Variants in RNF220 observed in about 807,000 individuals in gnomAD.
RNF220 encodes the protein ring finger protein 220, also known as E3 ubiquitin-protein ligase RNF220.
A neutral mutation model predicts 67.1 loss-of-function variants in RNF220; 7 were observed. That is an observed-to-expected ratio of 0.10 (90% CI 0.06 to 0.20). The LOEUF is 0.20. RNF220 is among the 10% of genes least tolerant of loss of function. The probability of loss-of-function intolerance (pLI) is 1.00; values close to 1 mark genes in which losing one functional copy is unlikely to be tolerated. For missense variants in RNF220, 565 were observed against 740.3 expected (o/e 0.76, Z 2.75); for synonymous variants, 270 against 283.2 (o/e 0.95, Z 0.47).
chr1:44,544,697 C>T (rs966358546), intron 2 of RNF220, among the ~76,000 whole-genome samples: 10 of 152,212 alleles, frequency 6.6e-5, no homozygotes, highest in Admixed American at 2.0e-4. Flanking sequence ...TAGCCTAAAG[C>T]CTTGTGGAAC....
intron 2 of RNF220, among the ~76,000 whole-genome samples, chr1:44,603,287 A>G (rs1573010955): frequency 6.6e-6 from 1 of 152,226 alleles, no homozygotes; most frequent in East Asian, 1.9e-4. Context: ...GGGAAAAGGT[A>G]AACATGCTCA....
chr1:44,648,421 C>T (rs1026090747), intron 12 of RNF220: 1 of 152,186 alleles, frequency 6.6e-6, no homozygotes. Flanking sequence ...TTCCCTAAGG[C>T]CAGTCTCCTA....
chr1:44,553,898 G>A (rs1662867137), intron 2 of RNF220, among the ~76,000 whole-genome samples: 1 of 152,164 alleles, frequency 6.6e-6, no homozygotes, highest in Non-Finnish European at 1.5e-5. Flanking sequence ...CACCCAGGAA[G>A]AACTGCGGCT....
intron 2 of RNF220, among the ~76,000 whole-genome samples, chr1:44,558,280 C>T (rs1663276972): frequency 6.6e-6 from 1 of 152,222 alleles, no homozygotes. Context: ...TAGAGAATAA[C>T]ATCTATGGCC....
chr1:44,556,582 CAG>C (rs1663103165), intron 2 of RNF220, among the ~76,000 whole-genome samples: 1 of 140,380 alleles, frequency 7.1e-6, no homozygotes. Flanking sequence ...TTTTTTTTGA[CAG>C]AGTCTGGCTC....
intron 6 of RNF220, among the ~76,000 whole-genome samples, chr1:44,634,249 G>T (rs192452113): frequency 1.3e-5 from 2 of 152,350 alleles, no homozygotes; most frequent in East Asian, 3.9e-4. Context: ...AGGTTGTGAA[G>T]TCAGTTCTGG....
At position 44,412,370 on chromosome 1, in the gene RNF220, T is replaced by G; in HGVS notation, c.273T>G (p.Ser91=). 2 of 1,614,100 alleles carry G rather than the reference T, an allele frequency of 1.2e-6. No individual in the cohort carries two copies. The highest frequency in any genetic ancestry group is 1.7e-6 in the Non-Finnish European group (2 of 1,180,006). Residue 91 remains serine (S), a synonymous_variant, in exon 2 of 15, where the codon TCT becomes TCG. Transcript: ENST00000361799. The surrounding 1 kb of genome is among the most constrained non-coding windows in gnomAD (Gnocchi z 5.3). ...TTGCCAATCGTGATTTCCCCCCTTCTCTACTACACCTCCACCCTCAATTTG... is the reference window on the plus strand; with the variant it reads ...TTGCCAATCGTGATTTCCCCCCTTCGCTACTACACCTCCACCCTCAATTTG... ...GTFANRDFPP[S]LLHLHPQFAP... is the part of the protein sequence containing the mutation.
chr1:44,405,380 G>A lies in RNF220; in HGVS notation c.-268G>A. Reference sequence around the variant, plus strand: ...ACAAACCCGGGGCCAGCCGCCTACTGCTGCTGCTGCTGCTGCCGCTGCCGC... The same window carrying A: ...ACAAACCCGGGGCCAGCCGCCTACTACTGCTGCTGCTGCTGCCGCTGCCGC... On this transcript the variant is annotated 5_prime_UTR_variant, in exon 1 of 15. Transcript: ENST00000361799. 3.2e-5 allele frequency: 17 copies of A among 532,634 alleles called. No homozygotes were observed. Among genetic ancestry groups the A allele is most frequent in the Admixed American group, 5.8e-5 (2 of 34,540 alleles). 33.0% of individuals were successfully genotyped at this position (532,634 alleles called of 1,614,324 possible).
chr1:44,450,206 G>A (rs1223384521), intron 2 of RNF220, among the ~76,000 whole-genome samples: 1 of 151,614 alleles, frequency 6.6e-6, no homozygotes, highest in Admixed American at 6.6e-5. Flanking sequence ...GCGAAACTCC[G>A]TGTCAAAAAA....
At chr1:44,508,060 TC>T (rs1172134811) in intron 2 of RNF220, among the ~76,000 whole-genome samples, 1 of 151,846 alleles carries the variant, frequency 6.6e-6, no homozygotes, top group Non-Finnish European at 1.5e-5. Context: ...AATTAACTTT[TC>T]CTCTCTTGTT....
At chr1:44,632,923 A>G (rs1644209914) in intron 6 of RNF220, 1 of 156,996 alleles carries the variant, frequency 6.4e-6, no homozygotes, top group Non-Finnish European at 1.4e-5. Flanking sequence ...GACAGCTCTT[A>G]GAGGCCTTCT....
intron 2 of RNF220, among the ~76,000 whole-genome samples, chr1:44,436,870 G>A (rs1430812246): frequency 6.6e-6 from 1 of 152,156 alleles, no homozygotes; most frequent in East Asian, 1.9e-4. Flanking sequence ...ACCTCCCTGG[G>A]CCTGGAAGCT....
chr1:44,614,188 T>C lies in RNF220; in HGVS notation c.649T>C (p.Phe217Leu). ...DRCKKKAAALFDSQAPICPIC... is the reference protein window; with the variant it reads ...DRCKKKAAALLDSQAPICPIC... ...AGGTAAGAAGAAAGCAGCGGCATTG[T>C]TCGACAGCCAGGCCCCAATTTGCCC... Residue 217 changes from phenylalanine to leucine, a missense_variant, in exon 3 of 15, where the codon TTC (phenylalanine) becomes CTC (leucine). Transcript: ENST00000361799. The C allele has an allele frequency of 2.5e-6, 4 of 1,614,220 alleles. No homozygotes were observed. The highest frequency in any genetic ancestry group is 2.5e-6 in the Non-Finnish European group (3 of 1,180,022).
intron 2 of RNF220, among the ~76,000 whole-genome samples, chr1:44,494,205 C>CAAAAAAAAAAAAA (rs375116674): frequency 5.7e-5 from 7 of 122,484 alleles, no homozygotes; most frequent in African/African-American, 9.5e-5. Flanking sequence ...GAAACTCTGT[C>CAAAAAAAAAAAAA]AAAAAAAAAA....
chr1:44,580,560 G>A (rs1665195588), intron 2 of RNF220, among the ~76,000 whole-genome samples: 1 of 152,224 alleles, frequency 6.6e-6, no homozygotes, highest in Admixed American at 6.5e-5. Context: ...CTCAAGCTGT[G>A]TGTGAACTTT....
At position 44,437,160 on chromosome 1, in the gene RNF220, G is replaced by A. The variant is rs571742018; in HGVS notation, c.625+24438G>A. Among the ~76,000 whole-genome samples the A allele has an allele frequency of 9.1e-4, 138 of 152,324 alleles. 1 individual carries two copies. The highest frequency in any genetic ancestry group is 3.1e-3 in the African/African-American group (130 of 41,566). ...GCAAATGGAATAGCACGCTTTGGGA[G>A]TGGCATAGCAAACCAACCAATGCGG... On this transcript the variant is annotated intron_variant, in intron 2 of 14. Transcript: ENST00000361799.
chr1:44,437,842 T>A (rs1044924725), intron 2 of RNF220, among the ~76,000 whole-genome samples: 2 of 152,210 alleles, frequency 1.3e-5, no homozygotes, highest in Non-Finnish European at 2.9e-5. Flanking sequence ...AGGCCTGGAT[T>A]TGAATCCTGA....
At position 44,589,336 on chromosome 1, in the gene RNF220, C is replaced by T. The variant is rs1273892897; in HGVS notation, c.626-24829C>T. ...ATAACAAGAATATCCACCTCCTGGC[C>T]GGGCGTGGTGGCTCACGCCTGTAAT... On this transcript the variant is annotated intron_variant, in intron 2 of 14. Transcript: ENST00000361799. 2.0e-5 allele frequency among the ~76,000 whole-genome samples: 3 copies of T among 152,132 alleles called. No homozygotes were observed. The East Asian group carries it at 5.8e-4, about 29-fold the overall frequency.
chr1:44,467,454 G>A lies in RNF220; in HGVS notation c.625+54732G>A, dbSNP rs569764591. Among the ~76,000 whole-genome samples the A allele has an allele frequency of 1.6e-4, 24 of 152,170 alleles. 1 individual carries two copies. The highest frequency in any genetic ancestry group is 1.9e-4 in the East Asian group (1 of 5,196). On this transcript the variant is annotated intron_variant, in intron 2 of 14. Coordinates refer to ENST00000361799, the MANE Select transcript of RNF220 (RefSeq NM_018150.4). Reference sequence around the variant, plus strand: ...TCGAACTCCCAGCCTCAGGTGATCCGCCCACCTTGGCCTCCCAAAGTGCTG... The same window carrying A: ...TCGAACTCCCAGCCTCAGGTGATCCACCCACCTTGGCCTCCCAAAGTGCTG...
Sources: gnomAD v4.1 joint callset for allele counts (sites outside exome capture counted in the v4.1 genomes callset) on GRCh38, gnomAD v4.1.1 for gene constraint, Gnocchi (gnomAD v3.1) non-coding constraint, MANE v1.5 for transcripts, NCBI Gene and HGNC (gene_info 2026-07-23, HGNC 2026-07-21) for gene names.